Variants in FRMD4A observed in about 807,000 individuals in gnomAD.
FRMD4A encodes FERM domain-containing protein 4A.
Under a neutral mutation model 129.1 loss-of-function variants are expected in FRMD4A, and 29 were observed. The ratio of observed to expected loss-of-function variants is 0.22; its 90% CI spans 0.17 to 0.31. The LOEUF (loss-of-function observed/expected upper bound fraction) is 0.31, where lower values mean the gene tolerates loss of function less well. Among genes scored for constraint, FRMD4A ranks in the 10% least tolerant of loss-of-function variants. The pLI, the probability that FRMD4A is intolerant of heterozygous loss-of-function variation, is 1.00. For synonymous variants in FRMD4A, 634 were observed against 571.6 expected (o/e 1.11, Z -1.56); for missense variants, 1,272 against 1,375.8 (o/e 0.92, Z 1.19).
At chr10:14,284,097 A>C (rs919692516) in intron 2 of FRMD4A, among the ~76,000 whole-genome samples, 2 of 152,208 alleles carry the variant, frequency 1.3e-5, no homozygotes, top group Admixed American at 1.3e-4. Flanking sequence ...TATGGGTAAA[A>C]ATACTTAATG....
At chr10:14,089,630 C>CAAAAAA (rs59553317) in intron 2 of FRMD4A, among the ~76,000 whole-genome samples, 1 of 130,796 alleles carries the variant, frequency 7.6e-6, no homozygotes, top group African/African-American at 3.0e-5. Flanking sequence ...AAAAAAAAAA[C>CAAAAAA]AAAAAAAAAC....
At chr10:14,299,309 T>C (rs544466847) in intron 2 of FRMD4A, among the ~76,000 whole-genome samples, 16 of 152,322 alleles carry the variant, frequency 1.1e-4, no homozygotes, top group African/African-American at 3.6e-4. Context: ...ATGGACTGGT[T>C]CAGCAGCAAG....
chr10:14,231,532 G>C (rs1483747416), intron 2 of FRMD4A, among the ~76,000 whole-genome samples: 1 of 152,142 alleles, frequency 6.6e-6, no homozygotes, highest in African/African-American at 2.4e-5. Flanking sequence ...GTTTTTAGTA[G>C]AGACGAGGTT....
chr10:13,862,391 C>T (rs1253169067), intron 2 of FRMD4A, among the ~76,000 whole-genome samples: 1 of 152,154 alleles, frequency 6.6e-6, no homozygotes, highest in Non-Finnish European at 1.5e-5. Flanking sequence ...ACAAAGTTCA[C>T]ACTCACACTT....
chr10:13,769,913 G>A (rs1048964282), intron 6 of FRMD4A, among the ~76,000 whole-genome samples: 1 of 152,146 alleles, frequency 6.6e-6, no homozygotes, highest in African/African-American at 2.4e-5. Flanking sequence ...GACTCAGCCA[G>A]TGGACTGACA....
chr10:14,087,587 A>G (rs1588946916), intron 2 of FRMD4A: 1 of 152,212 alleles, frequency 6.6e-6, no homozygotes, highest in East Asian at 1.9e-4. Context: ...GGCAGGTGAA[A>G]TGACTTCATT....
intron 3 of FRMD4A, among the ~76,000 whole-genome samples, chr10:13,815,561 A>T (rs2093528661): frequency 6.6e-6 from 1 of 152,094 alleles, no homozygotes; most frequent in African/African-American, 2.4e-5. Context: ...TGTTACATGT[A>T]TTTTGACACA....
At chr10:13,806,603 G>A (rs77789072) in intron 4 of FRMD4A, among the ~76,000 whole-genome samples, 1 of 152,138 alleles carries the variant, frequency 6.6e-6, no homozygotes, top group Non-Finnish European at 1.5e-5. Context: ...GAGAGCACAG[G>A]AAATACTGCA....
At chr10:13,651,577 C>G (rs10906441) in intron 24 of FRMD4A, 107,824 of 267,946 alleles carry the variant, frequency 0.4, 23,442 homozygotes, top group East Asian at 0.83. Context: ...TACTAGGGAG[C>G]CAGGAGAATC....
At chr10:14,144,125 G>A (rs931135514) in intron 2 of FRMD4A, among the ~76,000 whole-genome samples, 11 of 152,182 alleles carry the variant, frequency 7.2e-5, no homozygotes, top group African/African-American at 2.4e-4. Flanking sequence ...CGCTCCTGAG[G>A]ATGGGTCGGT....
chr10:14,129,405 TATA>T lies in FRMD4A; in HGVS notation c.45+200650_45+200652del, dbSNP rs1367071053. On this transcript the variant is annotated intron_variant, in intron 2 of 24. Coordinates refer to ENST00000357447, the MANE Select transcript of FRMD4A (RefSeq NM_018027.5). ...ATATATATATATATATATATATATA[TATA>T]AAAAATATGAGCTGTAGAACATACT... Among the ~76,000 whole-genome samples the T allele has an allele frequency of 9.4e-4, 117 of 123,948 alleles. 2 individuals are homozygous for T. Among genetic ancestry groups the T allele is most frequent in the African/African-American group, 4.2e-3 (108 of 25,952 alleles). 81.3% of individuals were successfully genotyped at this position (123,948 alleles called of 152,430 possible). A position where few individuals can be genotyped will look rare whatever the true frequency, so the allele number is the denominator to read the frequency against.
intron 3 of FRMD4A, among the ~76,000 whole-genome samples, chr10:13,813,552 ACACCTTACC>A (rs2093485059): frequency 6.6e-6 from 1 of 152,230 alleles, no homozygotes; most frequent in Non-Finnish European, 1.5e-5. Flanking sequence ...TACATTTAAT[ACACCTTACC>A]CACCAAACAT....
At chr10:13,772,184 A>T (rs1383644031) in intron 6 of FRMD4A, among the ~76,000 whole-genome samples, 3 of 111,724 alleles carry the variant, frequency 2.7e-5, no homozygotes, top group Non-Finnish European at 3.9e-5. Flanking sequence ...TATTATATAT[A>T]ATTATTATAT....
intron 8 of FRMD4A, among the ~76,000 whole-genome samples, chr10:13,754,721 T>C (rs1178819577): frequency 6.6e-6 from 1 of 152,160 alleles, no homozygotes; most frequent in African/African-American, 2.4e-5. Context: ...TTTTCTAGGA[T>C]GTTTCCAACA....
At chr10:14,280,601 G>A (rs1845486616) in intron 2 of FRMD4A, among the ~76,000 whole-genome samples, 1 of 152,174 alleles carries the variant, frequency 6.6e-6, no homozygotes, top group Admixed American at 6.5e-5. Flanking sequence ...TCTAGTTTTA[G>A]CTATAAAAGG....
chr10:14,064,766 C>T (rs1231540393), intron 2 of FRMD4A, among the ~76,000 whole-genome samples: 1 of 152,026 alleles, frequency 6.6e-6, no homozygotes. Flanking sequence ...TTAGTAGAGA[C>T]AGGGTTTGAC....
intron 2 of FRMD4A, among the ~76,000 whole-genome samples, chr10:14,028,828 G>C (rs1833101000): frequency 6.6e-6 from 1 of 152,226 alleles, no homozygotes; most frequent in South Asian, 2.1e-4. Flanking sequence ...ATGGATCCTA[G>C]GGTTGAGCCC....
chr10:13,825,040 T>A (rs1441076373), intron 3 of FRMD4A, among the ~76,000 whole-genome samples: 1 of 152,142 alleles, frequency 6.6e-6, no homozygotes, highest in Non-Finnish European at 1.5e-5. Flanking sequence ...TCCCAGTAGA[T>A]ACCTGAAACC....
chr10:13,825,998 C>T (rs1440472982), intron 3 of FRMD4A, among the ~76,000 whole-genome samples: 1 of 152,188 alleles, frequency 6.6e-6, no homozygotes, highest in Non-Finnish European at 1.5e-5. Flanking sequence ...AATTTGTAAT[C>T]GGCCTTCAGG....
Sources: gnomAD v4.1 joint callset for allele counts (sites outside exome capture counted in the v4.1 genomes callset) on GRCh38, gnomAD v4.1.1 for gene constraint, MANE v1.5 for transcripts, NCBI Gene and HGNC (gene_info 2026-07-23, HGNC 2026-07-21) for gene names.